Variants in GC observed in about 807,000 individuals in gnomAD.
GC encodes vitamin D-binding protein.
In GC, 43 loss-of-function variants were observed where a neutral mutation model predicts 56.7. The ratio of observed to expected loss-of-function variants is 0.76; its 90% CI spans 0.59 to 0.98. The LOEUF (loss-of-function observed/expected upper bound fraction) is 0.98. GC is among the 50% of genes least tolerant of loss of function. The pLI is 0.00. For synonymous variants in GC, 216 were observed against 202.7 expected, an observed-to-expected ratio of 1.07 and a Z score of -0.56; for missense variants, 529 against 545.9, an observed-to-expected ratio of 0.97 and a Z score of 0.31.
chr4:71,771,856 G>A (rs1295560487), intron 1 of GC, among the ~76,000 whole-genome samples: 1 of 152,128 alleles, frequency 6.6e-6, no homozygotes, highest in African/African-American at 2.4e-5. Context: ...AGAATAATTA[G>A]GGCTAGAACT....
Position 71,763,387 on chromosome 4 carries a change from ACAATAG to A in GC, c.701+15_701+20del. 7.8e-7 allele frequency: 1 copy of A among 1,279,154 alleles called. No individual in the cohort carries two copies. Among genetic ancestry groups the A allele is most frequent in the Non-Finnish European group, 1.1e-6 (1 of 880,092 alleles). The allele number at this position is 1,279,154 out of a possible 1,614,324, so 79.2% of individuals were successfully genotyped here. On this transcript the variant is annotated intron_variant, in intron 6 of 12. Transcript: ENST00000273951. Reference sequence around the variant, plus strand: ...GTGCAGAACCAAACATCTAAATATGACAATAGCACTTAATCTTTACCTGAGCCTTGA... The same window carrying A: ...GTGCAGAACCAAACATCTAAATATGACACTTAATCTTTACCTGAGCCTTGA...
chr4:71,763,750 G>T, intron 5 of GC, 54 bp downstream of exon 5: 1 of 1,415,420 alleles, frequency 7.1e-7, no homozygotes, highest in Non-Finnish European at 9.7e-7. Flanking sequence ...TATCTAAAAG[G>T]AATGCTATTA....
intron 1 of GC, among the ~76,000 whole-genome samples, chr4:71,799,286 G>A (rs375955130): frequency 1.4e-4 from 22 of 152,260 alleles, no homozygotes; most frequent in East Asian, 9.7e-4. Flanking sequence ...CCAGCTCAGC[G>A]AGACAGATAT....
chr4:71,756,656 C>A, intron 8 of GC, 56 bp downstream of exon 8: 1 of 1,274,650 alleles, frequency 7.8e-7, no homozygotes, highest in Non-Finnish European at 1.1e-6. Context: ...CTGGCCCCCA[C>A]TTTTTGTCCA....
chr4:71,774,597 A>G (rs1742447756), intron 1 of GC, among the ~76,000 whole-genome samples: 1 of 152,002 alleles, frequency 6.6e-6, no homozygotes, highest in South Asian at 2.1e-4. Context: ...TGAAGCACTT[A>G]GATTCTACAG....
At chr4:71,753,239 C>T (rs891122327) in intron 10 of GC, among the ~76,000 whole-genome samples, 2 of 152,122 alleles carry the variant, frequency 1.3e-5, no homozygotes, top group African/African-American at 4.8e-5. Flanking sequence ...ATCTCGGCGT[C>T]TCTCCACTCC....
Position 71,763,849 on chromosome 4 carries a change from C to T in GC, c.561G>A (p.Gly187=). ...TTGGGCTTGCAGAGGTACAGCAGGA[C>T]CCTACCATAGAAAGATAACTCTTGG... ...SYTKSYLSMV[G]SCCTSASPTV... Residue 187 remains glycine, a synonymous_variant, in exon 5 of 13, where the codon GGG becomes GGA. Transcript: ENST00000273951. 1 of 1,612,452 alleles carries T rather than the reference C, an allele frequency of 6.2e-7. No individual in the cohort carries two copies. The highest frequency in any genetic ancestry group is 1.3e-5 in the African/African-American group (1 of 74,986).
chr4:71,785,599 C>T (rs1177787211), upstream of GC, among the ~76,000 whole-genome samples: 1 of 151,752 alleles, frequency 6.6e-6, no homozygotes, highest in Non-Finnish European at 1.5e-5. Context: ...ACAAGTATTT[C>T]TGTAAGGCCA....
chr4:71,782,787 C>G (rs920815330), intron 1 of GC, among the ~76,000 whole-genome samples: 4 of 151,796 alleles, frequency 2.6e-5, no homozygotes, highest in African/African-American at 7.3e-5. Flanking sequence ...AGGATCAGAT[C>G]TGCCCCAGCA....
intron 7 of GC, 77 bp from the exon 8 acceptor site, chr4:71,756,991 C>T (rs1741800323): frequency 6.3e-6 from 6 of 947,428 alleles, no homozygotes; most frequent in Non-Finnish European, 1.0e-5. Flanking sequence ...CATAGGCTTA[C>T]AAGCTTTGGC....
chr4:71,744,472 A>AAG (rs1490578076), intron 12 of GC, among the ~76,000 whole-genome samples: 5 of 151,170 alleles, frequency 3.3e-5, no homozygotes, highest in African/African-American at 1.2e-4. Context: ...AAAAAAAAAA[A>AAG]AAAAAAAGAT....
intron 6 of GC, among the ~76,000 whole-genome samples, chr4:71,762,221 T>A (rs1742002275): frequency 6.6e-6 from 1 of 152,096 alleles, no homozygotes; most frequent in Non-Finnish European, 1.5e-5. Context: ...AGACATGGAG[T>A]CAAAGGCGAT....
At chr4:71,750,872 G>A (rs79176822) in intron 11 of GC, among the ~76,000 whole-genome samples, 1 of 145,190 alleles carries the variant, frequency 6.9e-6, no homozygotes, top group Non-Finnish European at 1.5e-5. Flanking sequence ...GTGACAGAAC[G>A]GGACTTCATC....
intron 1 of GC, among the ~76,000 whole-genome samples, chr4:71,781,453 T>G (rs1742677286): frequency 6.6e-6 from 1 of 151,808 alleles, no homozygotes; most frequent in Non-Finnish European, 1.5e-5. Context: ...ATATTTTTAG[T>G]GCTCTGTTAA....
intron 1 of GC, among the ~76,000 whole-genome samples, chr4:71,774,542 T>C (rs1742445982): frequency 6.6e-6 from 1 of 151,924 alleles, no homozygotes; most frequent in Non-Finnish European, 1.5e-5. Context: ...TTGGGATGGG[T>C]AAAGGTGATA....
chr4:71,780,621 ACAC>A (rs1560708333), intron 1 of GC, among the ~76,000 whole-genome samples: 7 of 151,978 alleles, frequency 4.6e-5, no homozygotes, highest in Non-Finnish European at 1.0e-4. Context: ...CAGCCAAAAA[ACAC>A]ATGAAAAAAA....
chr4:71,800,313 T>C (rs1202894041), intron 1 of GC, among the ~76,000 whole-genome samples: 1 of 152,122 alleles, frequency 6.6e-6, no homozygotes, highest in Admixed American at 6.5e-5. Context: ...CTCCCACTTA[T>C]GAGTGAGAAC....
chr4:71,750,611 G>T (rs183914446), intron 11 of GC, among the ~76,000 whole-genome samples: 4 of 152,250 alleles, frequency 2.6e-5, no homozygotes, highest in South Asian at 2.1e-4. Context: ...CTGGCCGGGC[G>T]CAGTGGCTCA....
intron 1 of GC, among the ~76,000 whole-genome samples, chr4:71,801,839 T>C (rs777738959): frequency 1.1e-4 from 17 of 151,992 alleles, no homozygotes; most frequent in Non-Finnish European, 2.2e-4. Flanking sequence ...CTAAACTTCA[T>C]GGTAATTTTT....
Sources: allele counts gnomAD v4.1 joint callset (sites outside exome capture counted in the v4.1 genomes callset), GRCh38; gene constraint gnomAD v4.1.1; transcripts MANE v1.5; gene names NCBI Gene and HGNC (gene_info 2026-07-23, HGNC 2026-07-21).